The following CHD3 variants were observed in gnomAD, a reference collection of about 807,000 sequenced individuals.
CHD3 encodes the protein ATP-dependent chromatin remodeler CHD3.
CHD3 carries 52 observed loss-of-function variants against 248.9 expected under a neutral mutation model. That is an observed-to-expected ratio of 0.21 (90% confidence interval 0.17 to 0.26). The LOEUF is 0.26. CHD3 is among the 10% of genes least tolerant of loss of function. The pLI is 1.00. For missense variants in CHD3, 1,482 were observed against 2,605.8 expected (o/e 0.57, Z 9.39); for synonymous variants, 985 against 985.2 (o/e 1.00, Z 0.00).
chr17:7,889,787 A>G lies in CHD3; in HGVS notation c.213+11A>G, dbSNP rs781050291. On this transcript the variant is annotated intron_variant, in intron 2 of 39. Transcript: ENST00000330494. This position sits in a 1 kb window ranked among gnomAD's most constrained non-coding sequence, Gnocchi z 4.5. ...AAACGCAAGAAGCGTGTAAGTGTCA[A>G]GAATTCCTAACTCTGTGGCAAGGCT... 54 of 1,601,134 alleles carry G rather than the reference A, an allele frequency of 3.4e-5. 1 individual carries two copies. The South Asian group carries it at 5.7e-4, about 17-fold the overall frequency.
chr17:7,908,487 T>C lies in CHD3; in HGVS notation c.5238T>C (p.Tyr1746=), dbSNP rs760585202. The change falls in exon 35 of 40, where the codon TAT becomes TAC. Residue 1746 remains tyrosine, a synonymous_variant. Coordinates refer to ENST00000330494, the MANE Select transcript of CHD3 (RefSeq NM_001005273.3). The surrounding 1 kb of genome is among the most constrained non-coding windows in gnomAD (Gnocchi z 5.8). Reference sequence around the variant, plus strand: ...AGATCTGGCACAGAAGACATGACTATTGGCTTCTGGCTGGGATTGTCCTGT... The same window carrying C: ...AGATCTGGCACAGAAGACATGACTACTGGCTTCTGGCTGGGATTGTCCTGT... ...LNEIWHRRHD[Y]WLLAGIVLHG... is the part of the protein sequence containing the mutation. 1 of 1,613,858 alleles carries C rather than the reference T, an allele frequency of 6.2e-7. No homozygotes were observed. The highest frequency in any genetic ancestry group is 8.5e-7 in the Non-Finnish European group (1 of 1,179,768).
At chr17:7,894,802 TC>T in intron 8 of CHD3, 114 bp from the exon 9 acceptor site, 2 of 1,499,786 alleles carry the variant, frequency 1.3e-6, no homozygotes, top group Non-Finnish European at 1.8e-6. Context: ...TTTCCTTAGT[TC>T]CCACCAGTCT....
At chr17:7,885,484 G>T (rs1230925621), upstream of CHD3, among the ~76,000 whole-genome samples, 1 of 151,480 alleles carries the variant, frequency 6.6e-6, no homozygotes, top group Non-Finnish European at 1.5e-5. Context: ...CCAAGGCGAA[G>T]CCAGGGCCCC....
rs1421536148 is a variant in CHD3, at chr17:7,908,526, C to T, written c.5261+16C>T. ...GGATTGTCCTGTATCCTTTGATACA[C>T]ATGCAAGAAGGAAAAGGTTCTCTCA... On this transcript the variant is annotated intron_variant, in intron 35 of 39. Transcript: ENST00000330494. The surrounding 1 kb of genome is among the most constrained non-coding windows in gnomAD (Gnocchi z 5.8). 1.3e-6 allele frequency: 2 copies of T among 1,579,200 alleles called. No homozygotes were observed. Among genetic ancestry groups the T allele is most frequent in the Admixed American group, 1.7e-5 (1 of 58,720 alleles).
Position 7,907,420 on chromosome 17 carries a change from A to T in CHD3, c.4856A>T (p.Asp1619Val), listed in dbSNP as rs1217823762. 2.5e-6 allele frequency: 4 copies of T among 1,611,450 alleles called. No individual in the cohort carries two copies. The African/African-American group carries it at 5.3e-5, about 22-fold the overall frequency. The change falls in exon 32 of 40, where the codon GAT becomes GTT. Residue 1619 changes from aspartate to valine, a missense_variant. Asp to Val is a radical substitution (Grantham distance 152, BLOSUM62 -3). Around this residue, in one of 20 missense-constraint regions of CHD3, gnomAD observed 254 missense variants for 266.7 expected, o/e 0.95. Coordinates refer to ENST00000330494, the MANE Select transcript of CHD3 (RefSeq NM_001005273.3). This position sits in a 1 kb window ranked among gnomAD's most constrained non-coding sequence, Gnocchi z 4.3. ...GAGCCAAGGAAGATTCCTCTAGAGG[A>T]TGAGGTGCCAGGGGTGCCTGGAGAG... The part of the protein sequence containing the change: ...RLEPRKIPLE[D>V]EVPGVPGEME...
At position 7,899,308 on chromosome 17, in the gene CHD3, C is replaced by G; in HGVS notation, c.2344-35C>G. 6.2e-7 allele frequency: 1 copy of G among 1,611,796 alleles called. No homozygotes were observed. Among genetic ancestry groups the G allele is most frequent in the Non-Finnish European group, 8.5e-7 (1 of 1,178,070 alleles). The stretch of plus-strand genomic sequence containing the variant: ...GAGGACTAGGGTATACGGCCTCTAG[C>G]CTAGACTTATGCTGCCCCCATTCTT... On this transcript the variant is annotated intron_variant, in intron 14 of 39. Coordinates refer to ENST00000330494, the MANE Select transcript of CHD3 (RefSeq NM_001005273.3). This position sits in a 1 kb window ranked among gnomAD's most constrained non-coding sequence, Gnocchi z 6.8.
rs1001619311 is a variant in CHD3, at chr17:7,911,103, G to C, written c.5881+130G>C. The C allele has an allele frequency of 2.2e-6, 3 of 1,338,852 alleles. No individual in the cohort carries two copies. Among genetic ancestry groups the C allele is most frequent in the Non-Finnish European group, 3.1e-6 (3 of 954,770 alleles). 82.9% of individuals were successfully genotyped at this position (1,338,852 alleles called of 1,614,324 possible). A position where few individuals can be genotyped will look rare whatever the true frequency, so the allele number is the denominator to read the frequency against. On this transcript the variant is annotated intron_variant, in intron 39 of 39. Coordinates refer to ENST00000330494, the MANE Select transcript of CHD3 (RefSeq NM_001005273.3). The surrounding 1 kb of genome is among the most constrained non-coding windows in gnomAD (Gnocchi z 5.4). The stretch of plus-strand genomic sequence containing the variant: ...GTGGTATCCGGTGTTTTATGGGATA[G>C]AGTTGTTCTAGGCTGTCCCCCCACC...
Position 7,908,950 on chromosome 17 carries a change from G to A in CHD3, c.5394+121G>A. ...GGGCTGAGGTGATACCTGGGGCCAA[G>A]ACCAAAGTGTAACCTTGTGCTTGGG... On this transcript the variant is annotated intron_variant, in intron 36 of 39. Transcript: ENST00000330494. The surrounding 1 kb of genome is among the most constrained non-coding windows in gnomAD (Gnocchi z 5.8). The A allele has an allele frequency of 6.9e-7, 1 of 1,458,756 alleles. No individual in the cohort carries two copies. The highest frequency in any genetic ancestry group is 9.4e-7 in the Non-Finnish European group (1 of 1,059,610). The allele number at this position is 1,458,756 out of a possible 1,614,324, so 90.4% of individuals were successfully genotyped here. A position where few individuals can be genotyped will look rare whatever the true frequency, so the allele number is the denominator to read the frequency against.
rs971118976 is a variant in CHD3 at position 7,888,985 on chromosome 17, G to C, written c.-16G>C. 4 of 1,614,066 alleles carry C rather than the reference G, an allele frequency of 2.5e-6. No individual in the cohort carries two copies. The African/African-American group carries it at 5.3e-5, about 22-fold the overall frequency. On this transcript the variant is annotated 5_prime_UTR_variant, in exon 1 of 40. Coordinates refer to ENST00000330494, the MANE Select transcript of CHD3 (RefSeq NM_001005273.3). ...GGAGGAATATTTAGGTAATTGTGGA[G>C]ACTTTCTCCTGTGTGATGAAGGCGG...
At position 7,889,125 on chromosome 17, in the gene CHD3, A is replaced by G; in HGVS notation, c.100+25A>G. On this transcript the variant is annotated intron_variant, in intron 1 of 39. Coordinates refer to ENST00000330494, the MANE Select transcript of CHD3 (RefSeq NM_001005273.3). The surrounding 1 kb of genome is among the most constrained non-coding windows in gnomAD (Gnocchi z 4.5). Reference sequence around the variant, plus strand: ...GGTAATTATCCGAGGAAATGTAAATAGAGGCCTCCCTCTTGGCAAAAGGAT... The same window carrying G: ...GGTAATTATCCGAGGAAATGTAAATGGAGGCCTCCCTCTTGGCAAAAGGAT... The G allele has an allele frequency of 6.2e-7, 1 of 1,614,068 alleles. No individual in the cohort carries two copies. Among genetic ancestry groups the G allele is most frequent in the Non-Finnish European group, 8.5e-7 (1 of 1,179,932 alleles).
intron 13 of CHD3, 98 bp from the exon 14 acceptor site, chr17:7,898,913 T>C (rs1970000068): frequency 5.5e-6 from 6 of 1,089,984 alleles, no homozygotes; most frequent in Non-Finnish European, 7.0e-6. Flanking sequence ...GTAGAGGGAA[T>C]TGTAATCCAA....
intron 20 of CHD3, among the ~76,000 whole-genome samples, chr17:7,901,803 T>G (rs779185754): frequency 1.3e-5 from 2 of 152,074 alleles, no homozygotes; most frequent in Non-Finnish European, 2.9e-5. Flanking sequence ...GCAAGTTCAT[T>G]CTTGGCCTCT....
Position 7,910,128 on chromosome 17 carries a change from G to C in CHD3, c.5591-300G>C. 2.6e-6 allele frequency: 1 copy of C among 382,644 alleles called. No individual in the cohort carries two copies. The highest frequency in any genetic ancestry group is 4.7e-6 in the Non-Finnish European group (1 of 214,136). 23.7% of individuals were successfully genotyped at this position (382,644 alleles called of 1,614,324 possible). On this transcript the variant is annotated intron_variant, in intron 37 of 39. Transcript: ENST00000330494. This position sits in a 1 kb window ranked among gnomAD's most constrained non-coding sequence, Gnocchi z 4.7. ...ACTCCCCGCCCCCATGTCTTCCAATGTCCCCCCATCTTCCTTTCCTCCATG... is the reference window on the plus strand; with the variant it reads ...ACTCCCCGCCCCCATGTCTTCCAATCTCCCCCCATCTTCCTTTCCTCCATG...
In CHD3 at chr17:7,903,651, C is replaced by T; in HGVS notation, c.3727+148C>T. On this transcript the variant is annotated intron_variant, in intron 23 of 39. Coordinates refer to ENST00000330494, the MANE Select transcript of CHD3 (RefSeq NM_001005273.3). This position sits in a 1 kb window ranked among gnomAD's most constrained non-coding sequence, Gnocchi z 6.8. ...TTAGTAGCCCTTGGAGGAAGGTTGG[C>T]CTCTTTCTTTGCCTGTAGGGTTAAA... 9.8e-7 allele frequency: 1 copy of T among 1,020,146 alleles called. No homozygotes were observed. Among genetic ancestry groups the T allele is most frequent in the African/African-American group, 1.6e-5 (1 of 61,578 alleles). 63.2% of individuals were successfully genotyped at this position (1,020,146 alleles called of 1,614,324 possible). A position where few individuals can be genotyped will look rare whatever the true frequency, so the allele number is the denominator to read the frequency against.
chr17:7,906,939 C>T lies in CHD3; in HGVS notation c.4574C>T (p.Ser1525Phe), dbSNP rs747440932. ...PELMPDPSAD[S>F]KRSSRASSPT... ...CTGATGCCTGACCCCAGCGCCGATTCTAAGCGCTCCTCCAGAGCCTCCTCT... is the reference window on the plus strand; with the variant it reads ...CTGATGCCTGACCCCAGCGCCGATTTTAAGCGCTCCTCCAGAGCCTCCTCT... Residue 1525 changes from serine (S) to phenylalanine (F), a missense_variant, in exon 30 of 40, where the codon TCT becomes TTT. Ser to Phe is a radical substitution (Grantham distance 155). Transcript: ENST00000330494. This position sits in a 1 kb window ranked among gnomAD's most constrained non-coding sequence, Gnocchi z 5.0. The T allele has an allele frequency of 1.2e-6, 2 of 1,614,052 alleles. No individual in the cohort carries two copies. Among genetic ancestry groups the T allele is most frequent in the African/African-American group, 2.7e-5 (2 of 74,918 alleles).
rs1209221241 is a variant in CHD3 at position 7,912,302 on chromosome 17, T to G, written c.*717T>G. On this transcript the variant is annotated 3_prime_UTR_variant, in exon 40 of 40. Coordinates refer to ENST00000330494, the MANE Select transcript of CHD3 (RefSeq NM_001005273.3). ...AGAGTAATGGTTGGGTGATACTCCC[T>G]CAAGCCAAAGAGGAGCTCCCCAACC... is the stretch of plus-strand genomic sequence containing the variant. 6.5e-6 allele frequency: 1 copy of G among 154,878 alleles called. No individual in the cohort carries two copies. The highest frequency in any genetic ancestry group is 1.4e-5 in the Non-Finnish European group (1 of 70,158). The allele number at this position is 154,878 out of a possible 1,614,324, so 9.6% of individuals were successfully genotyped here. A position where few individuals can be genotyped will look rare whatever the true frequency, so the allele number is the denominator to read the frequency against.
Position 7,910,263 on chromosome 17 carries a change from C to A in CHD3, c.5591-165C>A. ...CCCCTGAGTTGCTTCTGTTTTCCAT[C>A]TACTTCTTTTACTTTCTTGATCTCT... On this transcript the variant is annotated intron_variant, in intron 37 of 39. Transcript: ENST00000330494. This position sits in a 1 kb window ranked among gnomAD's most constrained non-coding sequence, Gnocchi z 4.7. The A allele has an allele frequency of 1.2e-6, 1 of 832,236 alleles. No individual in the cohort carries two copies. The highest frequency in any genetic ancestry group is 1.9e-6 in the Non-Finnish European group (1 of 515,132). The allele number at this position is 832,236 out of a possible 1,614,324, so 51.6% of individuals were successfully genotyped here.
In CHD3 at chr17:7,899,163, C is replaced by T. The variant is rs545292775; in HGVS notation, c.2304C>T (p.Thr768=). Residue 768 remains threonine (T), a synonymous_variant, in exon 14 of 40, where the codon ACC becomes ACT. Transcript: ENST00000330494. This position sits in a 1 kb window ranked among gnomAD's most constrained non-coding sequence, Gnocchi z 6.8. ...ILADEMGLGK[T]IQTIVFLYSL... ...CTGATGAGATGGGGCTAGGCAAGAC[C>T]ATACAAACCATCGTCTTCCTCTACT... is the stretch of plus-strand genomic sequence containing the variant. 9 of 1,614,050 alleles carry T rather than the reference C, an allele frequency of 5.6e-6. No homozygotes were observed. Among genetic ancestry groups the T allele is most frequent in the Non-Finnish European group, 7.6e-6 (9 of 1,179,990 alleles).
Position 7,910,358 on chromosome 17 carries a change from T to C in CHD3, c.5591-70T>C, listed in dbSNP as rs759725136. ...TGTATCTGTCCATCTGATGCCTCTCTTTTCCTGGCTCCATCTCTGTATTTC... is the reference window on the plus strand; with the variant it reads ...TGTATCTGTCCATCTGATGCCTCTCCTTTCCTGGCTCCATCTCTGTATTTC... On this transcript the variant is annotated intron_variant, in intron 37 of 39. Coordinates refer to ENST00000330494, the MANE Select transcript of CHD3 (RefSeq NM_001005273.3). The surrounding 1 kb of genome is among the most constrained non-coding windows in gnomAD (Gnocchi z 4.7). 2.5e-6 allele frequency: 4 copies of C among 1,600,634 alleles called. No homozygotes were observed. Among genetic ancestry groups the C allele is most frequent in the Non-Finnish European group, 3.4e-6 (4 of 1,168,186 alleles).
Sources: gnomAD v4.1 joint callset for allele counts (sites outside exome capture counted in the v4.1 genomes callset) on GRCh38, gnomAD v4.1.1 for gene constraint, gnomAD v4.1.1 regional missense constraint, Gnocchi (gnomAD v3.1) non-coding constraint, MANE v1.5 for transcripts, NCBI Gene and HGNC (gene_info 2026-07-23, HGNC 2026-07-21) for gene names.